Variants in ANKRD17 observed in about 807,000 individuals in gnomAD.
ANKRD17 encodes the protein ankyrin repeat domain-containing protein 17.
ANKRD17 carries 19 observed loss-of-function variants against 229.7 expected under a neutral mutation model. That is an observed-to-expected ratio of 0.08 (90% CI 0.06 to 0.12). The LOEUF is 0.12. ANKRD17 is among the 10% of genes least tolerant of loss of function. The pLI is 1.00. For missense variants in ANKRD17, 2,176 were observed against 3,176.8 expected, an observed-to-expected ratio of 0.68 and a Z score of 7.57; for synonymous variants, 1,112 against 1,146.1, an observed-to-expected ratio of 0.97 and a Z score of 0.60.
At chr4:73,121,844 T>C in intron 18 of ANKRD17, 85 bp from the exon 19 acceptor site, 11 of 1,328,348 alleles carry the variant, frequency 8.3e-6, no homozygotes, top group South Asian at 1.7e-5. Context: ...TTTTCTGGTA[T>C]ACTGTACAAT....
At chr4:73,237,599 G>A (rs1160457489) in intron 1 of ANKRD17, among the ~76,000 whole-genome samples, 1 of 152,098 alleles carries the variant, frequency 6.6e-6, no homozygotes, top group African/African-American at 2.4e-5. Context: ...GTGAGTTAGA[G>A]ATACATTCTA....
At chr4:73,155,987 C>A (rs1731612845) in intron 4 of ANKRD17, 32 bp downstream of exon 4, 1 of 1,541,430 alleles carries the variant, frequency 6.5e-7, no homozygotes, top group Non-Finnish European at 8.7e-7. Flanking sequence ...TTTAAAAAAA[C>A]AACAAATAAG....
At chr4:73,240,616 C>T (rs1743933116) in intron 1 of ANKRD17, among the ~76,000 whole-genome samples, 1 of 151,882 alleles carries the variant, frequency 6.6e-6, no homozygotes, top group Non-Finnish European at 1.5e-5. Context: ...CAGAGCAAGA[C>T]CCTGTGCCTA....
chr4:73,188,820 C>A (rs150561815), intron 1 of ANKRD17, among the ~76,000 whole-genome samples: 3 of 151,700 alleles, frequency 2.0e-5, no homozygotes. Context: ...AAGCCTTTGG[C>A]GAGAATGATT....
intron 5 of ANKRD17, among the ~76,000 whole-genome samples, chr4:73,154,846 C>A (rs570816876): frequency 2.6e-4 from 40 of 151,966 alleles, no homozygotes; most frequent in Non-Finnish European, 5.1e-4. Flanking sequence ...TCGAGACCAT[C>A]CCGGCTAAAA....
chr4:73,240,214 T>A (rs1743889616), intron 1 of ANKRD17, among the ~76,000 whole-genome samples: 2 of 152,116 alleles, frequency 1.3e-5, no homozygotes, highest in South Asian at 4.1e-4. Flanking sequence ...TGCTTATATT[T>A]TCTTCATAAA....
chr4:73,151,421 CA>C lies in ANKRD17; in HGVS notation c.1329+8del. 1.2e-6 allele frequency: 2 copies of C among 1,610,482 alleles called. No individual in the cohort carries two copies. The highest frequency in any genetic ancestry group is 1.7e-6 in the Non-Finnish European group (2 of 1,178,158). ...TATAAACATATTTGACATATTTCAC[CA>C]ATCTTACCATGCAAGCCTCCATCAG... On this transcript the variant is annotated splice_region_variant and intron_variant, in intron 7 of 33. Coordinates refer to ENST00000358602, the MANE Select transcript of ANKRD17 (RefSeq NM_032217.5).
At chr4:73,179,928 G>A (rs1735323274) in intron 1 of ANKRD17, among the ~76,000 whole-genome samples, 1 of 151,994 alleles carries the variant, frequency 6.6e-6, no homozygotes, top group African/African-American at 2.4e-5. Context: ...AGGTCCAGAA[G>A]ATGAGTCTTT....
chr4:73,099,929 G>A (rs536173962), intron 25 of ANKRD17, among the ~76,000 whole-genome samples: 1 of 152,142 alleles, frequency 6.6e-6, no homozygotes, highest in East Asian at 1.9e-4. Flanking sequence ...TACCTGAGAT[G>A]GGCTGGGGCC....
intron 3 of ANKRD17, 65 bp downstream of exon 3, chr4:73,161,127 G>A (rs539159616): frequency 6.4e-7 from 1 of 1,567,212 alleles, no homozygotes; most frequent in South Asian, 1.2e-5. Context: ...CTCAGTAAAT[G>A]TTAGCTATTT....
intron 18 of ANKRD17, 114 bp from the exon 19 acceptor site, chr4:73,121,873 T>C (rs1344408377): frequency 9.2e-7 from 1 of 1,087,438 alleles, no homozygotes; most frequent in Non-Finnish European, 1.3e-6. Context: ...GGGAAAGTTC[T>C]TCCTTCATGC....
intron 24 of ANKRD17, among the ~76,000 whole-genome samples, chr4:73,110,229 C>T (rs541598388): frequency 6.6e-6 from 1 of 152,242 alleles, no homozygotes; most frequent in Admixed American, 6.5e-5. Context: ...TAAGAAGATT[C>T]CATAACTTGA....
chr4:73,193,004 G>T (rs919520293), intron 1 of ANKRD17, among the ~76,000 whole-genome samples: 1 of 151,778 alleles, frequency 6.6e-6, no homozygotes, highest in Non-Finnish European at 1.5e-5. Context: ...ACAAATCTAC[G>T]AATTTTGAAA....
At chr4:73,164,002 A>G (rs761284759) in intron 2 of ANKRD17, among the ~76,000 whole-genome samples, 1 of 152,218 alleles carries the variant, frequency 6.6e-6, no homozygotes, top group Non-Finnish European at 1.5e-5. Context: ...ATAAAGAATA[A>G]AAACTGTCTT....
chr4:73,159,966 TA>T (rs1732279385), intron 3 of ANKRD17, among the ~76,000 whole-genome samples: 1 of 152,176 alleles, frequency 6.6e-6, no homozygotes, highest in Admixed American at 6.5e-5. Context: ...TTTATGCTCT[TA>T]AAAATGTTGT....
At chr4:73,161,859 C>T (rs1400622484) in intron 2 of ANKRD17, among the ~76,000 whole-genome samples, 2 of 151,978 alleles carry the variant, frequency 1.3e-5, no homozygotes, top group Non-Finnish European at 2.9e-5. Context: ...GAAATGTCTA[C>T]ATTTTATTTT....
chr4:73,195,516 T>A (rs2149083804), intron 1 of ANKRD17, among the ~76,000 whole-genome samples: 1 of 152,228 alleles, frequency 6.6e-6, no homozygotes, highest in South Asian at 2.1e-4. Flanking sequence ...GCTGAAGATT[T>A]TTTTTTTCTT....
intron 7 of ANKRD17, among the ~76,000 whole-genome samples, chr4:73,149,994 C>A (rs899134995): frequency 6.6e-6 from 1 of 151,950 alleles, no homozygotes; most frequent in Non-Finnish European, 1.5e-5. Flanking sequence ...AATTTTTTTC[C>A]ATCTATATGT....
chr4:73,124,132 T>C (rs1225981206), intron 18 of ANKRD17, among the ~76,000 whole-genome samples: 3 of 151,830 alleles, frequency 2.0e-5, no homozygotes, highest in African/African-American at 7.3e-5. Flanking sequence ...GAAAACCTTA[T>C]AAAAGAATAA....
Sources: allele counts gnomAD v4.1 joint callset (sites outside exome capture counted in the v4.1 genomes callset), GRCh38; gene constraint gnomAD v4.1.1; transcripts MANE v1.5; gene names NCBI Gene and HGNC (gene_info 2026-07-23, HGNC 2026-07-21).